Variants in SLC35A1 observed in about 807,000 individuals in gnomAD.
SLC35A1 encodes CMP-sialic acid transporter.
SLC35A1 carries 21 observed loss-of-function variants against 40.3 expected under a neutral mutation model. The observed-to-expected ratio is 0.52, with a 90% CI of 0.37 to 0.75. The LOEUF is 0.75. Among genes scored for constraint, SLC35A1 ranks in the 30% least tolerant of loss-of-function variants. The pLI is 0.00. For missense variants in SLC35A1, 297 were observed against 382.1 expected, an observed-to-expected ratio of 0.78 and a Z score of 1.86; for synonymous variants, 146 against 147.3, an observed-to-expected ratio of 0.99 and a Z score of 0.06.
chr6:87,500,723 T>A, intron 3 of SLC35A1, 56 bp downstream of exon 3: 8 of 1,551,102 alleles, frequency 5.2e-6, no homozygotes, highest in Non-Finnish European at 6.2e-6. Flanking sequence ...AAAAAGAGTT[T>A]TTATTAACTC....
intron 2 of SLC35A1, chr6:87,488,176 A>C (rs1408806591): frequency 6.6e-6 from 1 of 152,200 alleles, no homozygotes; most frequent in East Asian, 1.9e-4. Flanking sequence ...TCTGGAACTC[A>C]GAAGAGAGGT....
intron 2 of SLC35A1, among the ~76,000 whole-genome samples, chr6:87,490,653 A>G (rs1769523173): frequency 6.6e-6 from 1 of 152,220 alleles, no homozygotes; most frequent in Non-Finnish European, 1.5e-5. Context: ...GTAAAAGAAC[A>G]GAAGGCAACG....
At chr6:87,494,225 C>T (rs948982633) in intron 2 of SLC35A1, among the ~76,000 whole-genome samples, 25 of 152,126 alleles carry the variant, frequency 1.6e-4, no homozygotes, top group African/African-American at 6.0e-4. Context: ...TTTGGGTTGT[C>T]TCCAGTCTTC....
chr6:87,484,072 G>A lies in SLC35A1; in HGVS notation c.194+6533G>A, dbSNP rs561267466. Among the ~76,000 whole-genome samples, 337 of 152,280 alleles carry A rather than the reference G, an allele frequency of 2.2e-3. 1 individual carries two copies. The highest frequency in any genetic ancestry group is 4.0e-3 in the Non-Finnish European group (271 of 68,028). On this transcript the variant is annotated intron_variant, in intron 2 of 7. Coordinates refer to ENST00000369552, the MANE Select transcript of SLC35A1 (RefSeq NM_006416.5). Reference sequence around the variant, plus strand: ...CCAAGGAAGTACTTTACTGGCTCCCGTGGTTTCTTCTTCATTGGTCTGTGC... The same window carrying A: ...CCAAGGAAGTACTTTACTGGCTCCCATGGTTTCTTCTTCATTGGTCTGTGC...
intron 1 of SLC35A1, among the ~76,000 whole-genome samples, chr6:87,473,619 T>A (rs1554164450): frequency 2.6e-5 from 2 of 78,336 alleles, no homozygotes; most frequent in African/African-American, 1.0e-4. Flanking sequence ...TGCTGTATGC[T>A]GCTATTTGGG....
chr6:87,473,013 C>G lies in SLC35A1; in HGVS notation c.10C>G (p.Pro4Ala). ...GGGCTGTCGGGGAACCATGGCTGCC[C>G]CGAGAGGTGAGAACTGGGTCTGCTG... Reference protein sequence around the residue: MAAPRDNVTLLFKL... With the variant: MAAARDNVTLLFKL... The change falls in exon 1 of 8, where the codon CCG (proline) becomes GCG (alanine). Residue 4 changes from proline to alanine, a missense_variant. Pro to Ala is a conservative substitution (Grantham distance 27). Transcript: ENST00000369552. 1.5e-6 allele frequency: 1 copy of G among 679,692 alleles called. No homozygotes were observed. The highest frequency in any genetic ancestry group is 2.8e-5 in the South Asian group (1 of 35,396). 42.1% of individuals were successfully genotyped at this position (679,692 alleles called of 1,614,324 possible). A position where few individuals can be genotyped will look rare whatever the true frequency, so the allele number is the denominator to read the frequency against.
At position 87,472,978 on chromosome 6, in the gene SLC35A1, G is replaced by C; in HGVS notation, c.-26G>C. ...GGGGGCGCGGAGGGGGCGGGCGTCA[G>C]TTCCGCGGGGGGCTGTCGGGGAACC... On this transcript the variant is annotated 5_prime_UTR_variant, in exon 1 of 8. Coordinates refer to ENST00000369552, the MANE Select transcript of SLC35A1 (RefSeq NM_006416.5). 1.5e-6 allele frequency: 1 copy of C among 653,278 alleles called. No individual in the cohort carries two copies. Among genetic ancestry groups the C allele is most frequent in the Non-Finnish European group, 2.4e-6 (1 of 419,442 alleles). The allele number at this position is 653,278 out of a possible 1,614,324, so 40.5% of individuals were successfully genotyped here. A position where few individuals can be genotyped will look rare whatever the true frequency, so the allele number is the denominator to read the frequency against.
chr6:87,473,064 C>T (rs1198339169), intron 1 of SLC35A1, 45 bp downstream of exon 1: 1 of 478,542 alleles, frequency 2.1e-6, no homozygotes, highest in Non-Finnish European at 3.5e-6. Context: ...CGGGGGGCGG[C>T]GGCGGGCGAG....
intron 2 of SLC35A1, among the ~76,000 whole-genome samples, chr6:87,494,000 G>A (rs944789887): frequency 1.3e-5 from 2 of 152,138 alleles, no homozygotes; most frequent in African/African-American, 4.8e-5. Context: ...TAAGGTTGAC[G>A]TGGTCAAAGT....
At chr6:87,479,114 A>C (rs1769172309) in intron 2 of SLC35A1, among the ~76,000 whole-genome samples, 1 of 152,206 alleles carries the variant, frequency 6.6e-6, no homozygotes, top group African/African-American at 2.4e-5. Context: ...TTAAATTTAA[A>C]AGTAGAAGGC....
intron 2 of SLC35A1, among the ~76,000 whole-genome samples, chr6:87,483,175 CTCTT>C (rs1285111877): frequency 9.2e-5 from 14 of 151,984 alleles, no homozygotes; most frequent in Non-Finnish European, 1.9e-4. Flanking sequence ...CTCTCTCTCT[CTCTT>C]TCTCTCTCTC....
rs1391759932 is a variant in SLC35A1 at position 87,481,128 on chromosome 6, A to T, written c.194+3589A>T. Among the ~76,000 whole-genome samples the T allele has an allele frequency of 2.6e-5, 4 of 152,170 alleles. No homozygotes were observed. In the South Asian group the frequency reaches 8.3e-4, roughly 32 times the overall value. On this transcript the variant is annotated intron_variant, in intron 2 of 7. Coordinates refer to ENST00000369552, the MANE Select transcript of SLC35A1 (RefSeq NM_006416.5). ...CTGATCTTTTGTTTTAAATTTGGGG[A>T]CACCAGGCTGGGCGCGGTGGCTCAT...
intron 7 of SLC35A1, 25 bp from the exon 8 acceptor site, chr6:87,511,374 A>C (rs780524280): frequency 3.1e-6 from 5 of 1,611,952 alleles, no homozygotes; most frequent in Non-Finnish European, 3.4e-6. Context: ...CATACAGATA[A>C]AGCTATTTTT....
At chr6:87,499,089 C>T in intron 2 of SLC35A1, 1 of 980,486 alleles carries the variant, frequency 1.0e-6, no homozygotes, top group Non-Finnish European at 1.2e-6. Flanking sequence ...GTTTCTGTGG[C>T]TTAGGTCAAA....
chr6:87,476,976 G>A (rs572519187), intron 1 of SLC35A1, among the ~76,000 whole-genome samples: 42 of 152,214 alleles, frequency 2.8e-4, no homozygotes, highest in African/African-American at 7.5e-4. Context: ...CTGAGATCGC[G>A]CCACTGTATT....
intron 4 of SLC35A1, among the ~76,000 whole-genome samples, chr6:87,502,863 A>G (rs1769963225): frequency 6.6e-6 from 1 of 152,164 alleles, no homozygotes; most frequent in Admixed American, 6.5e-5. Context: ...CTACTGGTTA[A>G]GTGGGTTCCA....
At chr6:87,502,374 C>A (rs941133059) in intron 4 of SLC35A1, among the ~76,000 whole-genome samples, 1 of 152,172 alleles carries the variant, frequency 6.6e-6, no homozygotes, top group Non-Finnish European at 1.5e-5. Flanking sequence ...CATCGCTTAA[C>A]AAAGAATGTA....
intron 2 of SLC35A1, among the ~76,000 whole-genome samples, chr6:87,493,947 AAGGG>A (rs1374555657): frequency 6.6e-6 from 1 of 152,204 alleles, no homozygotes; most frequent in Non-Finnish European, 1.5e-5. Context: ...GGAAAAGAAA[AAGGG>A]AGTGTGGGAA....
rs1184871772 is a variant in SLC35A1, at chr6:87,509,096, C to T, written c.807C>T (p.Asn269=). 6.2e-7 allele frequency: 1 copy of T among 1,614,116 alleles called. No homozygotes were observed. Among genetic ancestry groups the T allele is most frequent in the Non-Finnish European group, 8.5e-7 (1 of 1,179,950 alleles). Reference sequence around the variant, plus strand: ...CTGTTGTGGTTAAGTACACAGACAACATCATGAAAGGCTTTTCTGCAGCAG... The same window carrying T: ...CTGTTGTGGTTAAGTACACAGACAATATCATGAAAGGCTTTTCTGCAGCAG... ...YTSVVVKYTD[N]IMKGFSAAAA... Residue 269 remains asparagine (N), a synonymous_variant, in exon 7 of 8, where the codon AAC becomes AAT. Transcript: ENST00000369552.
Sources: gnomAD v4.1 joint callset for allele counts (sites outside exome capture counted in the v4.1 genomes callset) on GRCh38, gnomAD v4.1.1 for gene constraint, MANE v1.5 for transcripts, NCBI Gene and HGNC (gene_info 2026-07-23, HGNC 2026-07-21) for gene names.